The following PANK2 variants were observed in gnomAD, a reference collection of about 807,000 sequenced individuals.
The protein encoded by PANK2 is pantothenate kinase 2.
A neutral mutation model predicts 43.1 loss-of-function variants in PANK2; 36 were observed. That is an observed-to-expected ratio of 0.84 (90% CI 0.64 to 1.10). The LOEUF (loss-of-function observed/expected upper bound fraction) is 1.10. Among genes scored for constraint, PANK2 ranks in the 50% least tolerant of loss-of-function variants. The pLI, the probability that PANK2 is intolerant of heterozygous loss-of-function variation, is 0.00. For synonymous variants in PANK2, 281 were observed against 238.2 expected (o/e 1.18, Z -1.66); for missense variants, 576 against 593.3 (o/e 0.97, Z 0.30).
chr20:3,901,158 G>A (rs1218123691), intron 1 of PANK2, among the ~76,000 whole-genome samples: 2 of 151,910 alleles, frequency 1.3e-5, no homozygotes, highest in African/African-American at 4.8e-5. Context: ...TTGGGCTCAA[G>A]CGATCTTCCT....
chr20:3,916,829 C>G, intron 4 of PANK2, 98 bp from the exon 5 acceptor site: 3 of 1,523,684 alleles, frequency 2.0e-6, no homozygotes, highest in Non-Finnish European at 2.7e-6. Flanking sequence ...AACAATGTTG[C>G]CCTAAAAGCT....
In PANK2 at chr20:3,916,906, A is replaced by AT. The variant is rs199905730; in HGVS notation, c.1083-13dup. ...TTGTTGCTGTTGGTTTAGCAATGGG[A>AT]TTTTTTTTCCCCCATCACAGCTTTG... On this transcript the variant is annotated intron_variant, in intron 4 of 6. Transcript: ENST00000610179. 1.8e-3 allele frequency: 2,777 copies of AT among 1,573,678 alleles called. 31 individuals carry two copies. The African/African-American group carries it at 0.034, about 19-fold the overall frequency.
At chr20:3,909,777 A>G (rs2090439620) in intron 2 of PANK2, among the ~76,000 whole-genome samples, 1 of 151,304 alleles carries the variant, frequency 6.6e-6, no homozygotes, top group South Asian at 2.1e-4. Flanking sequence ...TATCTTTAGT[A>G]GAGACTGGGT....
chr20:3,895,509 T>C (rs1383953071), intron 1 of PANK2, among the ~76,000 whole-genome samples: 26 of 150,982 alleles, frequency 1.7e-4, no homozygotes, highest in Non-Finnish European at 2.8e-4. Flanking sequence ...TTTTTTTTTT[T>C]CTCAAAACAT....
At chr20:3,899,703 CTTTT>C (rs11469308) in intron 1 of PANK2, among the ~76,000 whole-genome samples, 8 of 88,992 alleles carry the variant, frequency 9.0e-5, no homozygotes, top group African/African-American at 1.7e-4. Flanking sequence ...ATCAGTTGTA[CTTTT>C]TTTTTTTTTT....
upstream of PANK2, chr20:3,889,052 C>T (rs749416204): frequency 2.8e-5 from 41 of 1,455,348 alleles, no homozygotes; most frequent in Non-Finnish European, 3.5e-5. Flanking sequence ...AGTTCCGCGG[C>T]CCGGGGGGGC....
chr20:3,897,703 AAAAAAC>A (rs922404328), intron 1 of PANK2, among the ~76,000 whole-genome samples: 2 of 152,084 alleles, frequency 1.3e-5, no homozygotes, highest in African/African-American at 2.4e-5. Context: ...GTGTCTCTCA[AAAAAAC>A]AAAAACGAAA....
chr20:3,907,160 G>C (rs2090401304), intron 1 of PANK2, among the ~76,000 whole-genome samples: 1 of 144,224 alleles, frequency 6.9e-6, no homozygotes, highest in South Asian at 2.2e-4. Flanking sequence ...CTGGAGTGCA[G>C]TGGTGTGATC....
intron 1 of PANK2, among the ~76,000 whole-genome samples, chr20:3,892,382 C>T (rs1436934249): frequency 6.6e-6 from 1 of 151,472 alleles, no homozygotes; most frequent in Non-Finnish European, 1.5e-5. Context: ...TTGTTGACTG[C>T]CGAACCCTCC....
intron 1 of PANK2, among the ~76,000 whole-genome samples, chr20:3,890,251 CCTT>C (rs1282052888): frequency 2.6e-5 from 4 of 152,200 alleles, no homozygotes; most frequent in African/African-American, 9.7e-5. Context: ...AGGTGGCTGC[CCTT>C]CTTCTCGTGA....
chr20:3,898,004 CAA>C (rs201785513), intron 1 of PANK2, among the ~76,000 whole-genome samples: 1 of 149,548 alleles, frequency 6.7e-6, no homozygotes, highest in East Asian at 2.0e-4. Context: ...GACTCCATCT[CAA>C]AAAAAAAAAC....
chr20:3,890,182 A>C (rs2146808188), intron 1 of PANK2, among the ~76,000 whole-genome samples: 1 of 152,164 alleles, frequency 6.6e-6, no homozygotes, highest in East Asian at 1.9e-4. Context: ...GCTTACTGGA[A>C]AATGGTGAAC....
intron 1 of PANK2, among the ~76,000 whole-genome samples, chr20:3,892,409 C>T (rs1317676110): frequency 6.6e-6 from 1 of 151,548 alleles, no homozygotes; most frequent in Non-Finnish European, 1.5e-5. Context: ...ATACTTCAGT[C>T]TTATCTCTGA....
At chr20:3,897,991 C>G (rs554891358) in intron 1 of PANK2, among the ~76,000 whole-genome samples, 2 of 149,536 alleles carry the variant, frequency 1.3e-5, no homozygotes, top group Non-Finnish European at 3.0e-5. Flanking sequence ...AGCAACAGAG[C>G]GAGACTCCAT....
intron 1 of PANK2, among the ~76,000 whole-genome samples, chr20:3,904,975 T>A (rs1325424679): frequency 6.6e-6 from 1 of 152,198 alleles, no homozygotes; most frequent in Non-Finnish European, 1.5e-5. Context: ...TGGCAAAATA[T>A]GGGGTAAAAT....
rs1290064250 is a variant in PANK2, at chr20:3,924,184, G to C, written c.*890G>C. 1.3e-5 allele frequency: 2 copies of C among 152,322 alleles called. No individual in the cohort carries two copies. The highest frequency in any genetic ancestry group is 2.9e-5 in the Non-Finnish European group (2 of 68,124). 9.4% of individuals were successfully genotyped at this position (152,322 alleles called of 1,614,324 possible). ...TGAGTCTCAGAAGACTGCCTGAGGA[G>C]AGTGCCAGGCTGCAGGTGCTCTTGG... On this transcript the variant is annotated 3_prime_UTR_variant, in exon 7 of 7. Transcript: ENST00000610179.
chr20:3,923,547 T>C lies in PANK2; in HGVS notation c.*253T>C. On this transcript the variant is annotated 3_prime_UTR_variant, in exon 7 of 7. Transcript: ENST00000610179. Reference sequence around the variant, plus strand: ...AGTGTGAGGATTTGCTGTATATAAGTTGCCTGCTTTGTATTTTTGAAATCT... The same window carrying C: ...AGTGTGAGGATTTGCTGTATATAAGCTGCCTGCTTTGTATTTTTGAAATCT... The C allele has an allele frequency of 1.8e-6, 1 of 548,624 alleles. No homozygotes were observed. 34.0% of individuals were successfully genotyped at this position (548,624 alleles called of 1,614,324 possible).
At chr20:3,899,134 A>G (rs1191536744) in intron 1 of PANK2, among the ~76,000 whole-genome samples, 5 of 150,282 alleles carry the variant, frequency 3.3e-5, no homozygotes, top group African/African-American at 1.2e-4. Context: ...TCGGCCTCCC[A>G]AAGTGCTGGG....
chr20:3,897,596 G>A (rs1434279889), intron 1 of PANK2, among the ~76,000 whole-genome samples: 1 of 152,168 alleles, frequency 6.6e-6, no homozygotes, highest in Non-Finnish European at 1.5e-5. Flanking sequence ...GGAGGCTGAG[G>A]TGGGAGGATC....
Sources: allele counts gnomAD v4.1 joint callset (sites outside exome capture counted in the v4.1 genomes callset), GRCh38; gene constraint gnomAD v4.1.1; transcripts MANE v1.5; gene names NCBI Gene and HGNC (gene_info 2026-07-23, HGNC 2026-07-21).